CDH12: variants seen among roughly 807,000 people sequenced by gnomAD.
CDH12 encodes the protein cadherin-12.
CDH12 carries 41 observed loss-of-function variants against 74.1 expected under a neutral mutation model. The ratio of observed to expected loss-of-function variants is 0.55; its 90% CI spans 0.43 to 0.72. The LOEUF is 0.72. Ranked by LOEUF, CDH12 falls within the 30% of genes least tolerant of loss-of-function variation. CDH12 has a pLI of 0.00. For missense variants in CDH12, 945 were observed against 977.2 expected (o/e 0.97, Z 0.44); for synonymous variants, 399 against 355.0 (o/e 1.12, Z -1.39).
At chr5:21,948,798 G>A (rs1029111020) in intron 6 of CDH12, among the ~76,000 whole-genome samples, 2 of 152,162 alleles carry the variant, frequency 1.3e-5, no homozygotes, top group African/African-American at 2.4e-5. Context: ...TTGAGGGCAG[G>A]ACCTGGTGGA....
intron 4 of CDH12, among the ~76,000 whole-genome samples, chr5:22,135,111 TA>T (rs1383282916): frequency 6.6e-6 from 1 of 150,740 alleles, no homozygotes; most frequent in Admixed American, 6.7e-5. Context: ...CTTTTATTTT[TA>T]CAAAGAATGT....
At chr5:22,402,567 T>C (rs1742772666) in intron 3 of CDH12, among the ~76,000 whole-genome samples, 1 of 152,162 alleles carries the variant, frequency 6.6e-6, no homozygotes, top group South Asian at 2.1e-4. Context: ...TCCTTGTTCC[T>C]TATAGTAAAA....
At chr5:22,795,867 TTG>T (rs1249529967) in intron 1 of CDH12, among the ~76,000 whole-genome samples, 3 of 151,950 alleles carry the variant, frequency 2.0e-5, no homozygotes, top group Non-Finnish European at 4.4e-5. Context: ...CAGAACTAGA[TTG>T]TACATTATAA....
rs1381405482 is a variant in CDH12, at chr5:22,526,488, G to A, written c.-522-21124C>T. Among the ~76,000 whole-genome samples, 8 of 152,318 alleles carry A rather than the reference G, an allele frequency of 5.3e-5. No individual in the cohort carries two copies. In the South Asian group the frequency reaches 1.5e-3, roughly 28 times the overall value. Reference sequence around the variant, plus strand: ...TACTTTTAGTGGTCCTTATTGATGGGTGTAGAGGAAGAAAGCCATTTGCCA... The same window carrying A: ...TACTTTTAGTGGTCCTTATTGATGGATGTAGAGGAAGAAAGCCATTTGCCA... On this transcript the variant is annotated intron_variant, in intron 1 of 14. Coordinates refer to ENST00000382254, the MANE Select transcript of CDH12 (RefSeq NM_004061.5).
chr5:21,832,021 T>C (rs982522289), intron 8 of CDH12, among the ~76,000 whole-genome samples: 4 of 152,158 alleles, frequency 2.6e-5, no homozygotes, highest in Admixed American at 2.6e-4. Flanking sequence ...TTTAACATTA[T>C]TTTTTATAAC....
At chr5:21,908,917 T>TA (rs531349704) in intron 6 of CDH12, among the ~76,000 whole-genome samples, 45 of 150,782 alleles carry the variant, frequency 3.0e-4, no homozygotes, top group Middle Eastern at 3.4e-3. Context: ...CATGAGAGTG[T>TA]AAAAAAAAAA....
intron 2 of CDH12, among the ~76,000 whole-genome samples, chr5:22,489,088 C>T (rs1258606111): frequency 4.9e-3 from 22 of 4,496 alleles, no homozygotes; most frequent in African/African-American, 9.7e-3. Flanking sequence ...GACAGAGTCT[C>T]GCTCTGTTGC....
At chr5:22,829,910 C>T (rs976364536) in intron 1 of CDH12, among the ~76,000 whole-genome samples, 6 of 152,292 alleles carry the variant, frequency 3.9e-5, no homozygotes, top group Admixed American at 2.6e-4. Flanking sequence ...AGGTGACTTA[C>T]AGATGAACCT....
chr5:22,017,425 T>C (rs142903930), intron 5 of CDH12, among the ~76,000 whole-genome samples: 11 of 152,240 alleles, frequency 7.2e-5, no homozygotes, highest in African/African-American at 2.6e-4. Flanking sequence ...CCTCACCCTA[T>C]GAAAACTTCA....
chr5:22,143,805 T>C (rs1746973266), intron 4 of CDH12: 1 of 152,288 alleles, frequency 6.6e-6, no homozygotes, highest in African/African-American at 2.4e-5. Flanking sequence ...CTACTTGGCA[T>C]GTAAGAAATA....
chr5:21,795,310 T>C (rs1746721061), intron 10 of CDH12, among the ~76,000 whole-genome samples: 1 of 151,828 alleles, frequency 6.6e-6, no homozygotes, highest in South Asian at 2.1e-4. Flanking sequence ...GAAATTATCA[T>C]AGTTTCTCAG....
At chr5:21,819,102 T>A (rs1449344086) in intron 8 of CDH12, among the ~76,000 whole-genome samples, 1 of 152,034 alleles carries the variant, frequency 6.6e-6, no homozygotes, top group Non-Finnish European at 1.5e-5. Context: ...ATTCCTATTT[T>A]CTACCAGAAG....
At chr5:22,828,913 T>G (rs930979047) in intron 1 of CDH12, among the ~76,000 whole-genome samples, 1 of 152,214 alleles carries the variant, frequency 6.6e-6, no homozygotes, top group Non-Finnish European at 1.5e-5. Flanking sequence ...TTTTATTGAT[T>G]ACTCACATAT....
rs368103657 is a variant in CDH12, at chr5:22,806,646, G to T, written c.-523+46412C>A. On this transcript the variant is annotated intron_variant, in intron 1 of 14. Transcript: ENST00000382254. ...TGGGATTACAAGCATGAGCCACCGC[G>T]CCCGGCCTAATGATTGCCATTCTAA... is the stretch of plus-strand genomic sequence containing the variant. 3.7e-4 allele frequency among the ~76,000 whole-genome samples: 56 copies of T among 152,076 alleles called. No individual in the cohort carries two copies. In the East Asian group the frequency reaches 7.9e-3, roughly 22 times the overall value.
chr5:22,680,237 T>C (rs560984867), intron 1 of CDH12, among the ~76,000 whole-genome samples: 18 of 152,208 alleles, frequency 1.2e-4, no homozygotes, highest in African/African-American at 4.1e-4. Flanking sequence ...ACTCTTTCTC[T>C]ATTACCTTCA....
At chr5:22,545,609 C>G (rs1561481939) in intron 1 of CDH12, among the ~76,000 whole-genome samples, 1 of 152,032 alleles carries the variant, frequency 6.6e-6, no homozygotes, top group African/African-American at 2.4e-5. Flanking sequence ...ATTTGGTAAG[C>G]CTACGATCAA....
At chr5:22,197,482 G>T (rs1750688759) in intron 4 of CDH12, among the ~76,000 whole-genome samples, 1 of 151,846 alleles carries the variant, frequency 6.6e-6, no homozygotes, top group Non-Finnish European at 1.5e-5. Flanking sequence ...AAACAAAAAA[G>T]AATGGAAAGA....
Position 21,883,737 on chromosome 5 carries a change from A to T in CDH12, c.527-28947T>A, listed in dbSNP as rs1194011801. Reference sequence around the variant, plus strand: ...CATTGGGCAGTTAGATGTCACAACTAGTGAATATGAAAAGGAAAAACTGAA... The same window carrying T: ...CATTGGGCAGTTAGATGTCACAACTTGTGAATATGAAAAGGAAAAACTGAA... On this transcript the variant is annotated intron_variant, in intron 6 of 14. Coordinates refer to ENST00000382254, the MANE Select transcript of CDH12 (RefSeq NM_004061.5). 4 of 1,588,210 alleles carry T rather than the reference A, an allele frequency of 2.5e-6. No homozygotes were observed. In the African/African-American group the frequency reaches 5.4e-5, roughly 21 times the overall value.
intron 1 of CDH12, among the ~76,000 whole-genome samples, chr5:22,734,320 T>C (rs1744578383): frequency 6.6e-6 from 1 of 151,816 alleles, no homozygotes; most frequent in Non-Finnish European, 1.5e-5. Flanking sequence ...GACATCTGAT[T>C]CCCAACATTT....
Sources: gnomAD v4.1 joint callset for allele counts (sites outside exome capture counted in the v4.1 genomes callset) on GRCh38, gnomAD v4.1.1 for gene constraint, MANE v1.5 for transcripts, NCBI Gene and HGNC (gene_info 2026-07-23, HGNC 2026-07-21) for gene names.